The following LYZL2 variants were observed in gnomAD, a reference collection of about 807,000 sequenced individuals.
The protein encoded by LYZL2 is lysozyme-like protein 2.
In LYZL2, 13 loss-of-function variants were observed where a neutral mutation model predicts 17.1. The ratio of observed to expected loss-of-function variants is 0.76; its 90% CI spans 0.49 to 1.21. LYZL2 has a LOEUF of 1.21. Among genes scored for constraint, LYZL2 ranks in the 50% most tolerant of loss-of-function variants. The pLI is 0.00. For missense variants in LYZL2, 166 were observed against 189.2 expected (o/e 0.88, Z 0.72); for synonymous variants, 63 against 74.4 (o/e 0.85, Z 0.79).
Position 30,620,392 on chromosome 10 carries a change from T to C in LYZL2, c.298+5713A>G, listed in dbSNP as rs117256189. ...GGTACCAGTCTTTGTTGTCCAATCT[T>C]CACGAGCAGCCTGCCTTGATATCTT... On this transcript the variant is annotated intron_variant, in intron 3 of 4. Transcript: ENST00000647634. 2.0e-3 allele frequency among the ~76,000 whole-genome samples: 306 copies of C among 152,358 alleles called. 3 individuals carry two copies. In the East Asian group the frequency reaches 0.028, roughly 14 times the overall value.
intron 3 of LYZL2, among the ~76,000 whole-genome samples, chr10:30,616,270 C>T (rs1276182384): frequency 6.6e-6 from 1 of 152,016 alleles, no homozygotes; most frequent in Admixed American, 6.6e-5. Flanking sequence ...TTCTATTAAC[C>T]AGGAGAAAAA....
intron 3 of LYZL2, among the ~76,000 whole-genome samples, chr10:30,617,674 C>CAAAAAAAAAAAAAAAAAAAAAAAGAAAA (rs1838553016): frequency 4.0e-5 from 2 of 50,212 alleles, no homozygotes; most frequent in Non-Finnish European, 7.3e-5. Flanking sequence ...GACTCTGTCT[C>CAAAAAAAAAAAAAAAAAAAAAAAGAAAA]AAAAAAAAAA....
chr10:30,616,775 T>A (rs534218009), intron 3 of LYZL2, among the ~76,000 whole-genome samples: 2 of 152,260 alleles, frequency 1.3e-5, no homozygotes, highest in Admixed American at 6.5e-5. Flanking sequence ...GCTTAAATTC[T>A]GTTTTCCTCT....
intron 3 of LYZL2, among the ~76,000 whole-genome samples, chr10:30,614,673 G>T (rs17417466): frequency 0.11 from 17,250 of 152,138 alleles, 1,052 homozygotes; most frequent in South Asian, 0.18. Context: ...GGGTAATGCT[G>T]GATGTTGACA....
At chr10:30,609,448 TG>T (rs563787136), downstream of LYZL2, among the ~76,000 whole-genome samples, 36 of 152,214 alleles carry the variant, frequency 2.4e-4, no homozygotes, top group East Asian at 6.6e-3. Flanking sequence ...AATGATATAC[TG>T]GGTATAAAAG....
At chr10:30,611,611 GAAAGAGAA>G (rs1199245727), downstream of LYZL2, among the ~76,000 whole-genome samples, 4 of 140,474 alleles carry the variant, frequency 2.8e-5, no homozygotes, top group Admixed American at 7.4e-5. Flanking sequence ...AAGAAAGAAA[GAAAGAGAA>G]AGAAAGAAGG....
At position 30,629,393 on chromosome 10, in the gene LYZL2, C is replaced by CAAA. The variant is rs201593551; in HGVS notation, c.-26+197_-26+199dup. On this transcript the variant is annotated intron_variant, in intron 1 of 4. Transcript: ENST00000647634. ...TGGGCAACAGAGTGACATCCTGTTT[C>CAAA]AAAAAAAAAAAAAAAGATGCAGAGC... Among the ~76,000 whole-genome samples, 549 of 119,664 alleles carry CAAA rather than the reference C, an allele frequency of 4.6e-3. 5 individuals carry two copies. Among genetic ancestry groups the CAAA allele is most frequent in the African/African-American group, 0.016 (525 of 33,618 alleles). 78.5% of individuals were successfully genotyped at this position (119,664 alleles called of 152,430 possible). A position where few individuals can be genotyped will look rare whatever the true frequency, so the allele number is the denominator to read the frequency against.
In LYZL2 at chr10:30,612,908, AAG is replaced by A; in HGVS notation, c.299-10_299-9del. On this transcript the variant is annotated splice_polypyrimidine_tract_variant and intron_variant, in intron 3 of 4. Transcript: ENST00000647634. ...GGTCATCAGTGACCAAGGCTGTAAA[AAG>A]AGAGGTCATCAGGGTTAGGCGAGAC... The A allele has an allele frequency of 6.2e-7, 1 of 1,612,848 alleles. No individual in the cohort carries two copies. The highest frequency in any genetic ancestry group is 8.5e-7 in the Non-Finnish European group (1 of 1,178,870).
intron 3 of LYZL2, among the ~76,000 whole-genome samples, chr10:30,620,154 TA>T (rs1260073876): frequency 6.6e-6 from 1 of 152,188 alleles, no homozygotes; most frequent in Non-Finnish European, 1.5e-5. Flanking sequence ...TTTTTGTAAA[TA>T]AAGTTTTATT....
At chr10:30,607,950 C>A (rs557258630), downstream of LYZL2, among the ~76,000 whole-genome samples, 2 of 152,156 alleles carry the variant, frequency 1.3e-5, no homozygotes, top group African/African-American at 4.8e-5. Context: ...CTGGAGTGGG[C>A]TAATTAGCCT....
downstream of LYZL2, among the ~76,000 whole-genome samples, chr10:30,609,894 GAGT>G (rs890045284): frequency 6.6e-6 from 1 of 152,194 alleles, no homozygotes; most frequent in Non-Finnish European, 1.5e-5. Context: ...TATGGGGGAA[GAGT>G]AGGATTGCAT....
At position 30,626,712 on chromosome 10, in the gene LYZL2, A is replaced by G. The variant is rs186271951; in HGVS notation, c.139+65T>C. 1,360 of 1,601,408 alleles carry G rather than the reference A, an allele frequency of 8.5e-4. 8 individuals carry two copies. In the African/African-American group the frequency reaches 0.017, roughly 20 times the overall value. On this transcript the variant is annotated intron_variant, in intron 2 of 4. Coordinates refer to ENST00000647634, the MANE Select transcript of LYZL2 (RefSeq NM_183058.3). ...GGGAGACACAGCAGGGAGTGTAGCCAGGACCTTCAACATCTCAGGGGAAAG... is the reference window on the plus strand; with the variant it reads ...GGGAGACACAGCAGGGAGTGTAGCCGGGACCTTCAACATCTCAGGGGAAAG...
At position 30,629,040 on chromosome 10, in the gene LYZL2, C is replaced by A. The variant is rs186089757; in HGVS notation, c.-26+553G>T. Reference sequence around the variant, plus strand: ...TCTGGCCCTTTTCAGAGAGATCATGCCAGTCCGTGGTGTACAGCATTGTGC... The same window carrying A: ...TCTGGCCCTTTTCAGAGAGATCATGACAGTCCGTGGTGTACAGCATTGTGC... On this transcript the variant is annotated intron_variant, in intron 1 of 4. Transcript: ENST00000647634. Among the ~76,000 whole-genome samples, 1,076 of 151,526 alleles carry A rather than the reference C, an allele frequency of 7.1e-3. 15 individuals are homozygous for A. The highest frequency in any genetic ancestry group is 0.025 in the African/African-American group (1,019 of 40,834).
intron 1 of LYZL2, among the ~76,000 whole-genome samples, chr10:30,628,399 G>A (rs906131227): frequency 1.8e-4 from 28 of 152,164 alleles, no homozygotes; most frequent in Non-Finnish European, 8.8e-5. Flanking sequence ...AAAGCCTCAT[G>A]AAAGGAGGAA....
At chr10:30,627,054 G>A in intron 1 of LYZL2, 114 bp from the exon 2 acceptor site, 1 of 1,479,532 alleles carries the variant, frequency 6.8e-7, no homozygotes, top group Non-Finnish European at 9.1e-7. Context: ...TGGTCATTCA[G>A]TGCCACCATC....
chr10:30,610,368 A>G (rs1838418316), downstream of LYZL2, among the ~76,000 whole-genome samples: 2 of 152,328 alleles, frequency 1.3e-5, no homozygotes, highest in African/African-American at 4.8e-5. Context: ...CAGCCATAAA[A>G]AAGAATGAGT....
Position 30,626,112 on chromosome 10 carries a change from G to A in LYZL2, c.291C>T (p.Ala97=), listed in dbSNP as rs1426680633. ...GGAAAGTCAGAGCCTCACCTGAGCA[G>A]GCGACGTGGCAGTGGTTGTTCTCCT... is the stretch of plus-strand genomic sequence containing the variant. The part of the protein sequence containing the change: ...KLKENNHCHV[A]CSALVTDDLT... Residue 97 remains alanine (A), a synonymous_variant, in exon 3 of 5, where the codon GCC becomes GCT. Transcript: ENST00000647634. The A allele has an allele frequency of 1.2e-6, 2 of 1,613,938 alleles. No homozygotes were observed. Among genetic ancestry groups the A allele is most frequent in the South Asian group, 1.1e-5 (1 of 91,046 alleles).
At chr10:30,625,962 T>C (rs1838694730) in intron 3 of LYZL2, 143 bp downstream of exon 3, 1 of 1,284,152 alleles carries the variant, frequency 7.8e-7, no homozygotes, top group Non-Finnish European at 1.1e-6. Context: ...TTGGAAACTG[T>C]TGCATAATTT....
At position 30,611,846 on chromosome 10, in the gene LYZL2, A is replaced by C; in HGVS notation, c.*109T>G. 6.3e-7 allele frequency: 1 copy of C among 1,577,006 alleles called. No individual in the cohort carries two copies. Among genetic ancestry groups the C allele is most frequent in the Non-Finnish European group, 8.6e-7 (1 of 1,164,798 alleles). On this transcript the variant is annotated 3_prime_UTR_variant, in exon 5 of 5. Coordinates refer to ENST00000647634, the MANE Select transcript of LYZL2 (RefSeq NM_183058.3). ...AGTATAGCTTAATTTTCCCTCTCCAAGTTTGAGAAGGAATATTGGGAGGAA... is the reference window on the plus strand; with the variant it reads ...AGTATAGCTTAATTTTCCCTCTCCACGTTTGAGAAGGAATATTGGGAGGAA...
Sources: gnomAD v4.1 joint callset for allele counts (sites outside exome capture counted in the v4.1 genomes callset) on GRCh38, gnomAD v4.1.1 for gene constraint, MANE v1.5 for transcripts, NCBI Gene and HGNC (gene_info 2026-07-23, HGNC 2026-07-21) for gene names.